TEX15: variants seen among roughly 807,000 people sequenced by gnomAD.
TEX15 encodes testis expressed 15, meiosis and synapsis associated.
TEX15 carries 171 observed loss-of-function variants against 237.3 expected under a neutral mutation model. The ratio of observed to expected loss-of-function variants is 0.72; its 90% CI spans 0.64 to 0.82. The LOEUF (loss-of-function observed/expected upper bound fraction) is 0.82. Among genes scored for constraint, TEX15 ranks in the 40% least tolerant of loss-of-function variants. The pLI is 0.00. For missense variants in TEX15, 3,750 were observed against 3,646.5 expected (o/e 1.03, Z -0.73); for synonymous variants, 1,338 against 1,269.8 (o/e 1.05, Z -1.14).
chr8:30,896,638 A>C (rs1392903500), intron 2 of TEX15, among the ~76,000 whole-genome samples: 1 of 152,194 alleles, frequency 6.6e-6, no homozygotes, highest in African/African-American at 2.4e-5. Context: ...AGACAAGCAG[A>C]ACCTGTGTGC....
chr8:30,875,603 A>G (rs1041150839), intron 3 of TEX15, among the ~76,000 whole-genome samples: 2 of 152,234 alleles, frequency 1.3e-5, no homozygotes, highest in African/African-American at 4.8e-5. Flanking sequence ...CATCTCCAGC[A>G]TTGTTGTAGT....
chr8:30,868,713 G>A (rs1444491768), intron 4 of TEX15, among the ~76,000 whole-genome samples: 3 of 151,916 alleles, frequency 2.0e-5, no homozygotes, highest in Admixed American at 6.6e-5. Flanking sequence ...CTTGACATCA[G>A]ATTCCGTGAA....
At chr8:30,902,106 G>A (rs955039762) in intron 1 of TEX15, among the ~76,000 whole-genome samples, 5 of 152,108 alleles carry the variant, frequency 3.3e-5, no homozygotes, top group Admixed American at 3.3e-4. Context: ...GGAAATCTGT[G>A]GTTTGACAAG....
At chr8:30,890,650 C>A (rs550636971) in intron 2 of TEX15, 11 of 152,326 alleles carry the variant, frequency 7.2e-5, no homozygotes, top group Non-Finnish European at 1.6e-4. Flanking sequence ...GCTTGCCAGA[C>A]TTCTATGACT....
intron 3 of TEX15, among the ~76,000 whole-genome samples, chr8:30,877,128 A>G (rs1808415870): frequency 1.3e-5 from 2 of 152,192 alleles, no homozygotes; most frequent in African/African-American, 4.8e-5. Context: ...GGAAAAGAAC[A>G]CTTATTGCAG....
intron 4 of TEX15, among the ~76,000 whole-genome samples, chr8:30,868,238 T>C (rs537235144): frequency 1.9e-4 from 29 of 152,176 alleles, no homozygotes; most frequent in African/African-American, 6.7e-4. Context: ...TCCCCAATTC[T>C]ATTACTTCCA....
intron 6 of TEX15, among the ~76,000 whole-genome samples, chr8:30,859,321 C>G (rs1807985459): frequency 6.6e-6 from 1 of 151,974 alleles, no homozygotes; most frequent in African/African-American, 2.4e-5. Flanking sequence ...ACTGTTTCAT[C>G]TGATGACTAA....
Position 30,848,560 on chromosome 8 carries a change from C to T in TEX15, c.1607G>A (p.Gly536Asp). ...CACAGAAATTGGGAAGGAAAAATTA[C>T]CTTGGTCCTTACATTGCCCTGCCAT... ...VTMAGQCKDQ[G>D]NFSFPISVSN... The change falls in exon 8 of 11, where the codon GGT becomes GAT. Residue 536 changes from glycine (G) to aspartate (D), a missense_variant. Physicochemically the swap from Gly to Asp is moderately conservative, Grantham distance 94. Transcript: ENST00000643185. 6.2e-7 allele frequency: 1 copy of T among 1,614,056 alleles called. No individual in the cohort carries two copies. Among genetic ancestry groups the T allele is most frequent in the East Asian group, 2.2e-5 (1 of 44,870 alleles).
At chr8:30,874,271 GGTTTT>G (rs1186253164) in intron 4 of TEX15, among the ~76,000 whole-genome samples, 1 of 152,080 alleles carries the variant, frequency 6.6e-6, no homozygotes, top group Non-Finnish European at 1.5e-5. Flanking sequence ...GCTCTAGTTA[GGTTTT>G]AAGTTAAACA....
chr8:30,893,452 T>TC (rs1808835557), intron 2 of TEX15, among the ~76,000 whole-genome samples: 2 of 152,366 alleles, frequency 1.3e-5, no homozygotes, highest in South Asian at 4.1e-4. Context: ...TTTTGTTTCT[T>TC]CCCATCTGAT....
chr8:30,839,994 C>A (rs1807413832), intron 8 of TEX15, 30 bp from the exon 9 acceptor site: 1 of 1,359,094 alleles, frequency 7.4e-7, no homozygotes, highest in Non-Finnish European at 1.0e-6. Context: ...AGAAAATCTT[C>A]ATTAGTGATG....
chr8:30,866,390 A>C (rs1808167091), intron 5 of TEX15, among the ~76,000 whole-genome samples: 1 of 151,470 alleles, frequency 6.6e-6, no homozygotes, highest in South Asian at 2.1e-4. Flanking sequence ...GGGGAAGGGG[A>C]AGGGAAGGAA....
intron 3 of TEX15, 23 bp from the exon 4 acceptor site, chr8:30,875,125 C>G: frequency 8.1e-7 from 1 of 1,228,138 alleles, no homozygotes; most frequent in Non-Finnish European, 1.0e-6. Flanking sequence ...AAAGAGAAAG[C>G]AGTTGTATTT....
In TEX15 at chr8:30,845,445, A is replaced by C; in HGVS notation, c.4722T>G (p.Ile1574Met). The change falls in exon 8 of 11, where the codon ATT becomes ATG. Residue 1574 changes from isoleucine to methionine, a missense_variant. Physicochemically the swap from Ile to Met is conservative, Grantham distance 10 (BLOSUM62 1). Transcript: ENST00000643185. The part of the protein sequence containing the change: ...DEKLIEKENQ[I>M]DTAFLSSTSK... Reference sequence around the variant, plus strand: ...TAGTGCTAGATAAAAATGCTGTATCAATTTGATTTTCTTTTTCTATTAGTT... The same window carrying C: ...TAGTGCTAGATAAAAATGCTGTATCCATTTGATTTTCTTTTTCTATTAGTT... The C allele has an allele frequency of 6.2e-7, 1 of 1,612,806 alleles. No individual in the cohort carries two copies. Among genetic ancestry groups the C allele is most frequent in the Non-Finnish European group, 8.5e-7 (1 of 1,179,350 alleles).
chr8:30,896,571 C>T (rs952003839), intron 2 of TEX15, among the ~76,000 whole-genome samples: 6 of 151,936 alleles, frequency 3.9e-5, no homozygotes, highest in Admixed American at 1.3e-4. Flanking sequence ...CAACATAACT[C>T]CCCAAAAGAA....
intron 3 of TEX15, among the ~76,000 whole-genome samples, chr8:30,886,510 T>C (rs968062363): frequency 2.0e-5 from 3 of 152,170 alleles, no homozygotes; most frequent in African/African-American, 7.2e-5. Context: ...CAACTGACAT[T>C]GCAGGAGCAG....
chr8:30,903,641 T>C (rs1809044937), intron 1 of TEX15, among the ~76,000 whole-genome samples: 1 of 152,210 alleles, frequency 6.6e-6, no homozygotes, highest in South Asian at 2.1e-4. Flanking sequence ...ACCAGGAAGA[T>C]TACCTGGATT....
At chr8:30,868,278 T>C (rs1160327190) in intron 4 of TEX15, among the ~76,000 whole-genome samples, 3 of 152,024 alleles carry the variant, frequency 2.0e-5, no homozygotes, top group Admixed American at 6.6e-5. Context: ...ATATAAAATA[T>C]ATATCCCTTC....
chr8:30,901,746 CAAGT>C (rs1176379390), intron 1 of TEX15, among the ~76,000 whole-genome samples: 3 of 152,248 alleles, frequency 2.0e-5, no homozygotes, highest in South Asian at 4.2e-4. Flanking sequence ...ATTATTTAGA[CAAGT>C]AAGTCTGAGG....
Sources: allele counts gnomAD v4.1 joint callset (sites outside exome capture counted in the v4.1 genomes callset), GRCh38; gene constraint gnomAD v4.1.1; transcripts MANE v1.5; gene names NCBI Gene and HGNC (gene_info 2026-07-23, HGNC 2026-07-21).